The following AGAP1 variants were observed in gnomAD, a reference collection of about 807,000 sequenced individuals.
AGAP1 encodes arf-GAP with GTPase, ANK repeat and PH domain-containing protein 1.
A neutral mutation model predicts 105.3 loss-of-function variants in AGAP1; 29 were observed. The observed-to-expected ratio is 0.28, with a 90% CI of 0.21 to 0.38. AGAP1 has a LOEUF of 0.38. Ranked by LOEUF, AGAP1 falls within the 10% of genes least tolerant of loss-of-function variation. AGAP1 has a pLI of 1.00. For missense variants in AGAP1, 998 were observed against 1,165.1 expected (o/e 0.86, Z 2.09); for synonymous variants, 509 against 485.9 (o/e 1.05, Z -0.63).
At chr2:235,828,902 G>A (rs752293890) in intron 9 of AGAP1, among the ~76,000 whole-genome samples, 2 of 152,220 alleles carry the variant, frequency 1.3e-5, no homozygotes, top group African/African-American at 4.8e-5. Flanking sequence ...TTGAGTCCTC[G>A]TTTGTAAGAC....
chr2:236,113,736 T>C lies in AGAP1; in HGVS notation c.2115-6456T>C, dbSNP rs893462871. On this transcript the variant is annotated intron_variant, in intron 16 of 17. Transcript: ENST00000304032. The surrounding 1 kb of genome is among the most constrained non-coding windows in gnomAD (Gnocchi z 4.3). ...TCAGGCAGCAATGCTAGAGTGTCTGTCTCCGAGCTGGCAGACCCCGAAAAA... is the reference window on the plus strand; with the variant it reads ...TCAGGCAGCAATGCTAGAGTGTCTGCCTCCGAGCTGGCAGACCCCGAAAAA... 7.2e-5 allele frequency among the ~76,000 whole-genome samples: 11 copies of C among 152,184 alleles called. No individual in the cohort carries two copies. Among genetic ancestry groups the C allele is most frequent in the African/African-American group, 2.4e-4 (10 of 41,532 alleles).
chr2:236,054,861 C>G (rs2058008547), intron 16 of AGAP1, among the ~76,000 whole-genome samples: 1 of 152,228 alleles, frequency 6.6e-6, no homozygotes, highest in African/African-American at 2.4e-5. Context: ...CCTGCCGCCA[C>G]TGCCGGGCCC....
rs2125521632 is a variant in AGAP1 at position 236,002,450 on chromosome 2, T to C, written c.1645+33827T>C. Among the ~76,000 whole-genome samples the C allele has an allele frequency of 6.6e-6, 1 of 152,322 alleles. No individual in the cohort carries two copies. Among genetic ancestry groups the C allele is most frequent in the South Asian group, 2.1e-4 (1 of 4,820 alleles). The stretch of plus-strand genomic sequence containing the variant: ...ACATGTGTGAGTAGGGGAGAGGCTG[T>C]GTGTTTTCATAAGCGAATCCTGATT... On this transcript the variant is annotated intron_variant, in intron 13 of 17. Transcript: ENST00000304032. The surrounding 1 kb of genome is among the most constrained non-coding windows in gnomAD (Gnocchi z 4.3).
intron 9 of AGAP1, among the ~76,000 whole-genome samples, chr2:235,818,193 C>A (rs898890840): frequency 9.2e-5 from 14 of 152,182 alleles, no homozygotes; most frequent in African/African-American, 3.4e-4. Flanking sequence ...TTGTACATTA[C>A]GTTGGTTGCT....
chr2:235,997,097 T>C (rs1416776457), intron 13 of AGAP1, among the ~76,000 whole-genome samples: 1 of 152,184 alleles, frequency 6.6e-6, no homozygotes, highest in African/African-American at 2.4e-5. Flanking sequence ...AGATCTTTTT[T>C]GTTGTTGTTG....
chr2:235,873,312 C>T (rs2049536368), intron 9 of AGAP1, among the ~76,000 whole-genome samples: 1 of 152,228 alleles, frequency 6.6e-6, no homozygotes, highest in Admixed American at 6.5e-5. Context: ...CGAGTCTGCT[C>T]ATTTGTAGTC....
chr2:235,675,431 A>T (rs1374444362), intron 1 of AGAP1, among the ~76,000 whole-genome samples: 1 of 152,140 alleles, frequency 6.6e-6, no homozygotes, highest in Non-Finnish European at 1.5e-5. Flanking sequence ...CACCCGCCTC[A>T]GCCTCCCAAG....
At position 235,563,539 on chromosome 2, in the gene AGAP1, A is replaced by G. The variant is rs577486039; in HGVS notation, c.163+68690A>G. ...CACACACTGGGCTATTTTTACAGTC[A>G]GACAGGAAGTTGTCGTTTTATAACT... On this transcript the variant is annotated intron_variant, in intron 1 of 17. Transcript: ENST00000304032. Among the ~76,000 whole-genome samples, 17 of 139,154 alleles carry G rather than the reference A, an allele frequency of 1.2e-4. No homozygotes were observed. The South Asian group carries it at 4.1e-3, about 34-fold the overall frequency. The allele number at this position is 139,154 out of a possible 152,430, so 91.3% of individuals were successfully genotyped here. A position where few individuals can be genotyped will look rare whatever the true frequency, so the allele number is the denominator to read the frequency against.
Position 235,535,877 on chromosome 2 carries a change from G to A in AGAP1, c.163+41028G>A, listed in dbSNP as rs1405706056. On this transcript the variant is annotated intron_variant, in intron 1 of 17. Coordinates refer to ENST00000304032, the MANE Select transcript of AGAP1 (RefSeq NM_001037131.3). This position sits in a 1 kb window ranked among gnomAD's most constrained non-coding sequence, Gnocchi z 5.1. The stretch of plus-strand genomic sequence containing the variant: ...TAGGAGTCCACGCGCAGGTAGCCTG[G>A]CCTTTGAAGCTCTCCAGGCTCTGGC... 6.6e-6 allele frequency among the ~76,000 whole-genome samples: 1 copy of A among 151,972 alleles called. No individual in the cohort carries two copies. The highest frequency in any genetic ancestry group is 1.9e-4 in the East Asian group (1 of 5,158).
intron 9 of AGAP1, among the ~76,000 whole-genome samples, chr2:235,852,137 T>C (rs953487154): frequency 6.6e-6 from 1 of 152,174 alleles, no homozygotes; most frequent in Admixed American, 6.5e-5. Flanking sequence ...AAAACTAATA[T>C]ATGCCTGAGT....
Position 236,121,116 on chromosome 2 carries a change from G to C in AGAP1, c.2370+669G>C, listed in dbSNP as rs1238574898. On this transcript the variant is annotated intron_variant, in intron 17 of 17. Transcript: ENST00000304032. This position sits in a 1 kb window ranked among gnomAD's most constrained non-coding sequence, Gnocchi z 4.9. ...CAGGCAGAAAGCTGCCGGCAGGGAG[G>C]CTCCCCAGATAGGGAAGGCAAGTGT... is the stretch of plus-strand genomic sequence containing the variant. 2.6e-5 allele frequency among the ~76,000 whole-genome samples: 4 copies of C among 152,180 alleles called. No individual in the cohort carries two copies. Among genetic ancestry groups the C allele is most frequent in the African/African-American group, 9.7e-5 (4 of 41,436 alleles).
chr2:235,746,386 T>C (rs1451480572), intron 5 of AGAP1, among the ~76,000 whole-genome samples: 2 of 89,412 alleles, frequency 2.2e-5, no homozygotes, highest in African/African-American at 3.7e-5. Context: ...ACTTTTTTTT[T>C]TTTTTTTTTT....
intron 9 of AGAP1, among the ~76,000 whole-genome samples, chr2:235,847,982 A>G (rs961613808): frequency 1.3e-5 from 2 of 152,240 alleles, no homozygotes; most frequent in South Asian, 2.1e-4. Flanking sequence ...AACCTTTGGC[A>G]TAACAAAGCT....
Position 235,596,655 on chromosome 2 carries a change from T to C in AGAP1, c.163+101806T>C, listed in dbSNP as rs746567707. 6.6e-6 allele frequency among the ~76,000 whole-genome samples: 1 copy of C among 152,194 alleles called. No homozygotes were observed. The highest frequency in any genetic ancestry group is 2.4e-5 in the African/African-American group (1 of 41,452). On this transcript the variant is annotated intron_variant, in intron 1 of 17. Transcript: ENST00000304032. The surrounding 1 kb of genome is among the most constrained non-coding windows in gnomAD (Gnocchi z 5.9). ...ATTGTGTAAGAAGATGTTGTTAAAT[T>C]TATTTTTAGAATAATAGACTTTTAG...
intron 12 of AGAP1, among the ~76,000 whole-genome samples, chr2:235,956,821 C>G (rs1196785476): frequency 6.6e-6 from 1 of 152,262 alleles, no homozygotes; most frequent in East Asian, 1.9e-4. Flanking sequence ...CCAGACTCAG[C>G]TCATGGCCCA....
At position 236,040,116 on chromosome 2, in the gene AGAP1, A is replaced by T. The variant is rs2057501546; in HGVS notation, c.1801-635A>T. 2.0e-5 allele frequency among the ~76,000 whole-genome samples: 3 copies of T among 152,084 alleles called. No individual in the cohort carries two copies. The highest frequency in any genetic ancestry group is 7.2e-5 in the African/African-American group (3 of 41,398). ...ACAGAGCGAGACACTGGCTCAAAAA[A>T]TAATAATAATAAATAAATAAATAAA... On this transcript the variant is annotated intron_variant, in intron 14 of 17. Transcript: ENST00000304032. This position sits in a 1 kb window ranked among gnomAD's most constrained non-coding sequence, Gnocchi z 5.6.
intron 11 of AGAP1, among the ~76,000 whole-genome samples, chr2:235,915,340 ACG>A (rs1465165384): frequency 5.3e-5 from 8 of 152,220 alleles, no homozygotes; most frequent in African/African-American, 1.9e-4. Context: ...AGGATTTAAT[ACG>A]TTAGTTATTA....
Position 235,994,814 on chromosome 2 carries a change from C to T in AGAP1, c.1645+26191C>T, listed in dbSNP as rs1273669673. On this transcript the variant is annotated intron_variant, in intron 13 of 17. Coordinates refer to ENST00000304032, the MANE Select transcript of AGAP1 (RefSeq NM_001037131.3). This position sits in a 1 kb window ranked among gnomAD's most constrained non-coding sequence, Gnocchi z 4.4. ...GGGCCCAATGGCTCACACCTGTAAT[C>T]CTAGCACTTTGGGAGGCCGAGGCGG... Among the ~76,000 whole-genome samples, 2 of 151,050 alleles carry T rather than the reference C, an allele frequency of 1.3e-5. No homozygotes were observed. Among genetic ancestry groups the T allele is most frequent in the African/African-American group, 2.4e-5 (1 of 41,112 alleles).
In AGAP1 at chr2:235,793,100, C is replaced by T. The variant is rs144089577; in HGVS notation, c.674-4659C>T. ...TGCAGAAGAGGAAAGGAGGGAATGA[C>T]GAGGAACGCCACATGCTGCTCAGAG... On this transcript the variant is annotated intron_variant, in intron 6 of 17. Coordinates refer to ENST00000304032, the MANE Select transcript of AGAP1 (RefSeq NM_001037131.3). The surrounding 1 kb of genome is among the most constrained non-coding windows in gnomAD (Gnocchi z 5.3). Among the ~76,000 whole-genome samples, 5 of 152,234 alleles carry T rather than the reference C, an allele frequency of 3.3e-5. No individual in the cohort carries two copies. Among genetic ancestry groups the T allele is most frequent in the Non-Finnish European group, 5.9e-5 (4 of 68,018 alleles).
Sources: gnomAD v4.1 joint callset for allele counts (sites outside exome capture counted in the v4.1 genomes callset) on GRCh38, gnomAD v4.1.1 for gene constraint, Gnocchi (gnomAD v3.1) non-coding constraint, MANE v1.5 for transcripts, NCBI Gene and HGNC (gene_info 2026-07-23, HGNC 2026-07-21) for gene names.